Variants in STX3 observed in about 807,000 individuals in gnomAD.
STX3 encodes the protein syntaxin 3.
STX3 carries 19 observed loss-of-function variants against 40.2 expected under a neutral mutation model. The ratio of observed to expected loss-of-function variants is 0.47; its 90% CI spans 0.33 to 0.69. The LOEUF (loss-of-function observed/expected upper bound fraction) is 0.69. STX3 is among the 30% of genes least tolerant of loss of function. The pLI, the probability that STX3 is intolerant of heterozygous loss-of-function variation, is 0.02. For synonymous variants in STX3, 122 were observed against 132.2 expected, an observed-to-expected ratio of 0.92 and a Z score of 0.53; for missense variants, 364 against 366.7, an observed-to-expected ratio of 0.99 and a Z score of 0.06.
At chr11:59,765,728 C>T (rs1298780739) in intron 1 of STX3, among the ~76,000 whole-genome samples, 2 of 152,150 alleles carry the variant, frequency 1.3e-5, no homozygotes, top group African/African-American at 4.8e-5. Flanking sequence ...CACTTGAACA[C>T]AGGAGGCAGA....
intron 1 of STX3, among the ~76,000 whole-genome samples, chr11:59,765,828 C>T (rs1252895707): frequency 6.6e-6 from 1 of 151,164 alleles, no homozygotes; most frequent in Non-Finnish European, 1.5e-5. Flanking sequence ...ACAAACAAAA[C>T]AAACAAAACC....
At chr11:59,792,297 G>A in intron 6 of STX3, 82 bp downstream of exon 6, 1 of 1,189,486 alleles carries the variant, frequency 8.4e-7, no homozygotes, top group Non-Finnish European at 1.2e-6. Flanking sequence ...CCCTGGTGGA[G>A]CAAGCAGGAA....
intron 2 of STX3, 27 bp downstream of exon 2, chr11:59,773,321 T>TA: frequency 1.2e-6 from 2 of 1,607,272 alleles, no homozygotes; most frequent in Non-Finnish European, 1.7e-6. Context: ...TATTTTTTTC[T>TA]AAATGTACAT....
rs1197213091 is a variant in STX3, at chr11:59,803,638, G to A, written c.*2814G>A. 6.6e-6 allele frequency among the ~76,000 whole-genome samples: 1 copy of A among 152,120 alleles called. No individual in the cohort carries two copies. The highest frequency in any genetic ancestry group is 1.5e-5 in the Non-Finnish European group (1 of 68,020). On this transcript the variant is annotated 3_prime_UTR_variant, in exon 11 of 11. Coordinates refer to ENST00000337979, the MANE Select transcript of STX3 (RefSeq NM_004177.5). ...GAACAAGAATTAGTTCTTGCATTAG[G>A]TGCATCTTGAACTTTTTGGAAGAGG...
rs755175808 is a variant in STX3, at chr11:59,788,890, G to A, written c.232G>A (p.Glu78Lys). Residue 78 changes from glutamate to lysine, a missense_variant, in exon 4 of 11, where the codon GAG (glutamate) becomes AAG (lysine). Transcript: ENST00000337979. Reference sequence around the variant, plus strand: ...TTACCCAGAAACCAAGGATGACCTAGAGCAGCTCACGACTGAGATTAAGAA... The same window carrying A: ...TTACCCAGAAACCAAGGATGACCTAAAGCAGCTCACGACTGAGATTAAGAA... ...IPEPKTKDDL[E>K]QLTTEIKKRA... 6.2e-7 allele frequency: 1 copy of A among 1,612,606 alleles called. No homozygotes were observed. The highest frequency in any genetic ancestry group is 8.5e-7 in the Non-Finnish European group (1 of 1,179,360).
chr11:59,783,016 A>G (rs533621165), intron 2 of STX3, among the ~76,000 whole-genome samples: 1 of 152,130 alleles, frequency 6.6e-6, no homozygotes, highest in East Asian at 1.9e-4. Flanking sequence ...AAAAATTAAT[A>G]AACAATGTGC....
chr11:59,798,052 C>T (rs1275901588), intron 10 of STX3, among the ~76,000 whole-genome samples: 1 of 152,218 alleles, frequency 6.6e-6, no homozygotes, highest in African/African-American at 2.4e-5. Context: ...CAAGTTCACA[C>T]AGCTAATAGT....
In STX3 at chr11:59,773,276, G is replaced by A; in HGVS notation, c.96G>A (p.Met32Ile). ...TTGCTATCGACAACACGGCTTTTAT[G>A]GACGAGTTCTTTTCTGAGGTAGGCA... ...VEIAIDNTAF[M>I]DEFFSEIEET... Residue 32 changes from methionine (M) to isoleucine (I), a missense_variant, in exon 2 of 11, where the codon ATG (methionine) becomes ATA (isoleucine). By Grantham distance (10) the Met-to-Ile change is conservative. Coordinates refer to ENST00000337979, the MANE Select transcript of STX3 (RefSeq NM_004177.5). The A allele has an allele frequency of 6.2e-7, 1 of 1,613,978 alleles. No homozygotes were observed. The highest frequency in any genetic ancestry group is 8.5e-7 in the Non-Finnish European group (1 of 1,179,980).
At chr11:59,767,253 ATC>A (rs1444987865) in intron 1 of STX3, among the ~76,000 whole-genome samples, 6 of 152,062 alleles carry the variant, frequency 3.9e-5, no homozygotes, top group Non-Finnish European at 2.9e-5. Context: ...CATTGGTGAT[ATC>A]TCTCATCTCC....
At chr11:59,800,515 C>G (rs1565195227) in intron 10 of STX3, 2 of 985,276 alleles carry the variant, frequency 2.0e-6, no homozygotes, top group Non-Finnish European at 1.2e-6. Context: ...AAAGCAGCTC[C>G]TGCAGCCTGT....
At chr11:59,793,271 G>A in intron 7 of STX3, 99 bp downstream of exon 7, 3 of 1,606,622 alleles carry the variant, frequency 1.9e-6, no homozygotes, top group South Asian at 1.1e-5. Context: ...AGCTGCAGGT[G>A]CAGGGAGTTC....
chr11:59,774,607 CG>C, intron 2 of STX3, among the ~76,000 whole-genome samples: 1 of 151,980 alleles, frequency 6.6e-6, no homozygotes, highest in Non-Finnish European at 1.5e-5. Context: ...CCGAGGTGGG[CG>C]GATCACAAGG....
In STX3 at chr11:59,805,007, T is replaced by C. The variant is rs1472561695; in HGVS notation, c.*4183T>C. On this transcript the variant is annotated 3_prime_UTR_variant, in exon 11 of 11. Coordinates refer to ENST00000337979, the MANE Select transcript of STX3 (RefSeq NM_004177.5). ...GACTGACCAACATAGTGAAACCCCC[T>C]CTCTACAAAAAATACAAAAATTAGC... The C allele has an allele frequency of 1.3e-5, 2 of 151,826 alleles. No individual in the cohort carries two copies. Among genetic ancestry groups the C allele is most frequent in the Non-Finnish European group, 2.9e-5 (2 of 67,972 alleles). The allele number at this position is 151,826 out of a possible 1,614,324, so 9.4% of individuals were successfully genotyped here. A position where few individuals can be genotyped will look rare whatever the true frequency, so the allele number is the denominator to read the frequency against.
upstream of STX3, chr11:59,754,364 G>A (rs2134830896): frequency 6.6e-6 from 1 of 152,398 alleles, no homozygotes; most frequent in South Asian, 2.1e-4. Flanking sequence ...GAATTACAAA[G>A]ATATTTACAG....
At position 59,801,224 on chromosome 11, in the gene STX3, G is replaced by A; in HGVS notation, c.*400G>A. Reference sequence around the variant, plus strand: ...GGAGTATTCTCCCAGAAACTGCAATGTATTTTTTTAGGGGAGTATCTTTAA... The same window carrying A: ...GGAGTATTCTCCCAGAAACTGCAATATATTTTTTTAGGGGAGTATCTTTAA... On this transcript the variant is annotated 3_prime_UTR_variant, in exon 11 of 11. Transcript: ENST00000337979. 1 of 1,087,316 alleles carries A rather than the reference G, an allele frequency of 9.2e-7. No individual in the cohort carries two copies. Among genetic ancestry groups the A allele is most frequent in the East Asian group, 6.0e-5 (1 of 16,712 alleles). The allele number at this position is 1,087,316 out of a possible 1,614,324, so 67.4% of individuals were successfully genotyped here. A position where few individuals can be genotyped will look rare whatever the true frequency, so the allele number is the denominator to read the frequency against.
chr11:59,789,607 A>G (rs1394854386), intron 4 of STX3, among the ~76,000 whole-genome samples: 2 of 151,874 alleles, frequency 1.3e-5, no homozygotes, highest in Admixed American at 6.6e-5. Context: ...CGCTCAGTCA[A>G]TTTTTGTATT....
intron 1 of STX3, among the ~76,000 whole-genome samples, chr11:59,769,621 GCCATTGTGGATGTGGGGAAT>G (rs948869384): frequency 1.8e-4 from 27 of 152,290 alleles, no homozygotes; most frequent in African/African-American, 6.5e-4. Context: ...CTAAGAAGTA[GCCATTGTGGATGTGGGGAAT>G]CCCTGTGTGG....
intron 1 of STX3, among the ~76,000 whole-genome samples, chr11:59,765,287 CAG>C (rs1863226864): frequency 1.3e-5 from 2 of 152,134 alleles, no homozygotes; most frequent in Admixed American, 1.3e-4. Context: ...ACATAGGAAA[CAG>C]AGAGCATGGA....
In STX3 at chr11:59,797,326, T is replaced by G; in HGVS notation, c.830T>G (p.Ile277Ser). The change falls in exon 10 of 11, where the codon ATT (isoleucine) becomes AGT (serine). Residue 277 changes from isoleucine (I) to serine (S), a missense_variant. Physicochemically the swap from Ile to Ser is moderately radical, Grantham distance 142 (BLOSUM62 -2). Transcript: ENST00000337979. ...IIVLVVVLLG[I>S]LALIIGLSVG... ...GTGCTAGTAGTTGTGTTGCTGGGCA[T>G]TTTAGCATTGATTATTGGACTTTCC... is the stretch of plus-strand genomic sequence containing the variant. The G allele has an allele frequency of 1.2e-6, 2 of 1,614,168 alleles. No homozygotes were observed. Among genetic ancestry groups the G allele is most frequent in the Non-Finnish European group, 1.7e-6 (2 of 1,180,006 alleles).
Sources: gnomAD v4.1 joint callset for allele counts (sites outside exome capture counted in the v4.1 genomes callset) on GRCh38, gnomAD v4.1.1 for gene constraint, MANE v1.5 for transcripts, NCBI Gene and HGNC (gene_info 2026-07-23, HGNC 2026-07-21) for gene names.